Variants in PTPRJ observed in about 807,000 individuals in gnomAD.
The protein encoded by PTPRJ is protein tyrosine phosphatase receptor type J.
PTPRJ carries 129 observed loss-of-function variants against 141.3 expected under a neutral mutation model. The ratio of observed to expected loss-of-function variants is 0.91; its 90% CI spans 0.79 to 1.06. PTPRJ has a LOEUF of 1.06. Among genes scored for constraint, PTPRJ ranks in the 50% least tolerant of loss-of-function variants. PTPRJ has a pLI of 0.00. For missense variants in PTPRJ, 1,601 were observed against 1,679.7 expected, an observed-to-expected ratio of 0.95 and a Z score of 0.82; for synonymous variants, 610 against 640.5, an observed-to-expected ratio of 0.95 and a Z score of 0.72.
At chr11:48,112,654 A>G in intron 2 of PTPRJ, 93 bp from the exon 3 acceptor site, 3 of 895,760 alleles carry the variant, frequency 3.3e-6, no homozygotes, top group Non-Finnish European at 5.4e-6. Flanking sequence ...CCAAGTGTGC[A>G]TTTCATTTCA....
intron 1 of PTPRJ, among the ~76,000 whole-genome samples, chr11:48,100,831 G>A (rs1382724642): frequency 2.0e-5 from 3 of 150,902 alleles, no homozygotes; most frequent in African/African-American, 4.9e-5. Flanking sequence ...GCAGTGAGCC[G>A]AGATTGCGCC....
At position 48,127,889 on chromosome 11, in the gene PTPRJ, A is replaced by G. The variant is rs1478988515; in HGVS notation, c.1203A>G (p.Ile401Met). The G allele has an allele frequency of 9.9e-6, 16 of 1,614,098 alleles. No individual in the cohort carries two copies. The highest frequency in any genetic ancestry group is 1.3e-5 in the Non-Finnish European group (15 of 1,180,034). The change falls in exon 7 of 25, where the codon ATA (isoleucine) becomes ATG (methionine). Residue 401 changes from isoleucine (I) to methionine (M), a missense_variant. Transcript: ENST00000418331. ...NESSSNYTYKIHVAGETDSSN... is the reference protein window; with the variant it reads ...NESSSNYTYKMHVAGETDSSN... The stretch of plus-strand genomic sequence containing the variant: ...CGTCATCTAACTATACCTACAAGAT[A>G]CATGTGGCGGGGGAGACAGATTCTT...
chr11:48,044,918 G>A (rs549941378), intron 1 of PTPRJ: 1 of 152,180 alleles, frequency 6.6e-6, no homozygotes. Context: ...ATTGGTGTTG[G>A]GGATGATCTC....
chr11:48,163,289 T>A (rs897533950), intron 22 of PTPRJ, among the ~76,000 whole-genome samples, 169 bp from the exon 23 acceptor site: 29 of 152,248 alleles, frequency 1.9e-4, no homozygotes, highest in African/African-American at 6.3e-4. Context: ...GAGCATATTG[T>A]GAGGGTTTGA....
At chr11:48,006,287 GGA>G (rs145043503) in intron 1 of PTPRJ, among the ~76,000 whole-genome samples, 6 of 150,870 alleles carry the variant, frequency 4.0e-5, no homozygotes, top group East Asian at 1.9e-4. Flanking sequence ...AGGAAGAGTG[GGA>G]GAGAGAGAGA....
intron 1 of PTPRJ, among the ~76,000 whole-genome samples, chr11:47,988,341 T>A (rs1326797202): frequency 6.6e-6 from 1 of 150,612 alleles, no homozygotes; most frequent in Non-Finnish European, 1.5e-5. Flanking sequence ...ATTTTTAATT[T>A]TATTGTTTTT....
At chr11:48,113,051 T>G in intron 3 of PTPRJ, 68 bp downstream of exon 3, 1 of 1,343,412 alleles carries the variant, frequency 7.4e-7, no homozygotes, top group Non-Finnish European at 1.0e-6. Context: ...AATGTCATGT[T>G]TTCCAAATAC....
chr11:48,047,869 G>A (rs892855093), intron 1 of PTPRJ, among the ~76,000 whole-genome samples: 12 of 152,128 alleles, frequency 7.9e-5, no homozygotes, highest in Non-Finnish European at 1.8e-4. Context: ...ATGCCGGGTG[G>A]TTCTGTTTGG....
At chr11:48,065,379 G>A (rs183007621) in intron 1 of PTPRJ, among the ~76,000 whole-genome samples, 2 of 152,008 alleles carry the variant, frequency 1.3e-5, no homozygotes, top group East Asian at 1.9e-4. Context: ...CCTGGGAGGC[G>A]GTGGCTCTCC....
In PTPRJ at chr11:48,072,415, A is replaced by T. The variant is rs78900404; in HGVS notation, c.97-37643A>T. On this transcript the variant is annotated intron_variant, in intron 1 of 24. Transcript: ENST00000418331. ...AGGGTGGAGTCCTAATGGCCTAATC[A>T]GCTCTCTGAGATCCCATCTGTTAAT... Among the ~76,000 whole-genome samples the T allele has an allele frequency of 2.0e-5, 3 of 152,318 alleles. No homozygotes were observed. The East Asian group carries it at 5.8e-4, about 29-fold the overall frequency.
At chr11:48,123,254 C>G (rs1856749903) in intron 4 of PTPRJ, among the ~76,000 whole-genome samples, 1 of 152,186 alleles carries the variant, frequency 6.6e-6, no homozygotes, top group South Asian at 2.1e-4. Context: ...TTCCTGATAT[C>G]TAAAACACAT....
chr11:48,093,326 A>C (rs1360237060), intron 1 of PTPRJ, among the ~76,000 whole-genome samples: 4 of 152,242 alleles, frequency 2.6e-5, no homozygotes, highest in Non-Finnish European at 5.9e-5. Context: ...TTCTCAATCA[A>C]ATATTTTGTG....
chr11:48,078,646 GATCACAA>G (rs937194185), intron 1 of PTPRJ, among the ~76,000 whole-genome samples: 1 of 152,116 alleles, frequency 6.6e-6, no homozygotes, highest in African/African-American at 2.4e-5. Context: ...GTAGACCAGG[GATCACAA>G]AGCAATGGCT....
rs1004161096 is a variant in PTPRJ at position 48,089,930 on chromosome 11, C to T, written c.97-20128C>T. Among the ~76,000 whole-genome samples, 43 of 152,204 alleles carry T rather than the reference C, an allele frequency of 2.8e-4. 1 individual carries two copies. Among genetic ancestry groups the T allele is most frequent in the African/African-American group, 1.0e-3 (43 of 41,454 alleles). The stretch of plus-strand genomic sequence containing the variant: ...CCACCTGTAAAATGGGGGTAATTAT[C>T]ATATACCCCAAAGTGCTGTCATAAG... On this transcript the variant is annotated intron_variant, in intron 1 of 24. Transcript: ENST00000418331.
intron 1 of PTPRJ, among the ~76,000 whole-genome samples, chr11:48,064,832 G>C (rs1855039915): frequency 6.6e-6 from 1 of 151,744 alleles, no homozygotes; most frequent in African/African-American, 2.4e-5. Flanking sequence ...TGTTGGTCAG[G>C]ATGGTCTCGA....
intron 9 of PTPRJ, among the ~76,000 whole-genome samples, 192 bp from the exon 10 acceptor site, chr11:48,136,811 T>G (rs1020061586): frequency 6.6e-6 from 1 of 152,222 alleles, no homozygotes; most frequent in Admixed American, 6.5e-5. Flanking sequence ...AAATTAAACT[T>G]CTTTTGAGAC....
intron 1 of PTPRJ, among the ~76,000 whole-genome samples, chr11:47,981,801 C>T (rs966129588): frequency 1.3e-5 from 2 of 152,122 alleles, no homozygotes; most frequent in African/African-American, 2.4e-5. Flanking sequence ...AAGGGGCATT[C>T]CCATTTCACA....
At chr11:48,111,963 C>T (rs1033044081) in intron 2 of PTPRJ, among the ~76,000 whole-genome samples, 1 of 151,966 alleles carries the variant, frequency 6.6e-6, no homozygotes, top group Non-Finnish European at 1.5e-5. Flanking sequence ...TGGTCATAGA[C>T]AGCAAGCAGA....
chr11:48,060,883 C>T (rs1156278433), intron 1 of PTPRJ, among the ~76,000 whole-genome samples: 1 of 152,228 alleles, frequency 6.6e-6, no homozygotes, highest in Non-Finnish European at 1.5e-5. Context: ...AGGCTGCTAC[C>T]TGCTCAGGCT....
Sources: allele counts gnomAD v4.1 joint callset (sites outside exome capture counted in the v4.1 genomes callset), GRCh38; gene constraint gnomAD v4.1.1; transcripts MANE v1.5; gene names NCBI Gene and HGNC (gene_info 2026-07-23, HGNC 2026-07-21).